Variants in SPC25 observed in about 807,000 individuals in gnomAD.
SPC25 encodes the protein kinetochore protein Spc25.
A neutral mutation model predicts 29.6 loss-of-function variants in SPC25; 22 were observed. That is an observed-to-expected ratio of 0.74 (90% CI 0.53 to 1.06). The LOEUF is 1.06. Among genes scored for constraint, SPC25 ranks in the 50% least tolerant of loss-of-function variants. The pLI is 0.00. For synonymous variants in SPC25, 91 were observed against 90.4 expected (o/e 1.01, Z -0.04); for missense variants, 230 against 255.8 (o/e 0.90, Z 0.69).
At chr2:168,864,774 A>G (rs1379453568) in intron 4 of SPC25, 4 of 1,589,882 alleles carry the variant, frequency 2.5e-6, no homozygotes, top group Non-Finnish European at 2.6e-6. Context: ...ACTCTTATCA[A>G]TCGGGCTGAG....
chr2:168,876,041 T>C, intron 5 of SPC25, 31 bp downstream of exon 5: 1 of 1,243,640 alleles, frequency 8.0e-7, no homozygotes, highest in Non-Finnish European at 1.1e-6. Context: ...TTTTGTAATC[T>C]CCTATATTTT....
chr2:168,866,277 A>G (rs1689848161), downstream of SPC25, among the ~76,000 whole-genome samples: 1 of 152,310 alleles, frequency 6.6e-6, no homozygotes, highest in Non-Finnish European at 1.5e-5. Context: ...AAACGGAGAT[A>G]GATATAGACC....
chr2:168,887,841 T>C (rs561128306), intron 3 of SPC25, among the ~76,000 whole-genome samples: 61 of 152,350 alleles, frequency 4.0e-4, no homozygotes, highest in Admixed American at 1.0e-3. Context: ...CCCCAGGCTG[T>C]GATTTCCAAC....
chr2:168,871,574 GAAATC>G lies in SPC25; in HGVS notation c.551-24_551-20del. ...TCTGACACTAGAAAAAAAAAAAAAA[GAAATC>G]AAAGACAATTAGAATGAGTTTTTTT... On this transcript the variant is annotated intron_variant, in intron 6 of 6. Transcript: ENST00000282074. The G allele has an allele frequency of 7.3e-7, 1 of 1,368,386 alleles. No individual in the cohort carries two copies. The highest frequency in any genetic ancestry group is 9.8e-7 in the Non-Finnish European group (1 of 1,020,558). 84.8% of individuals were successfully genotyped at this position (1,368,386 alleles called of 1,614,324 possible). A position where few individuals can be genotyped will look rare whatever the true frequency, so the allele number is the denominator to read the frequency against.
intron 6 of SPC25, among the ~76,000 whole-genome samples, chr2:168,872,919 T>C (rs536634228): frequency 1.3e-5 from 2 of 152,320 alleles, no homozygotes; most frequent in South Asian, 4.1e-4. Context: ...TTTAAGATGA[T>C]AGCATAGGTG....
intron 5 of SPC25, among the ~76,000 whole-genome samples, chr2:168,874,490 C>A (rs774560175): frequency 6.6e-4 from 101 of 152,198 alleles, no homozygotes; most frequent in Middle Eastern, 3.4e-3. Context: ...TGCCCACCAA[C>A]AGATGAATGG....
chr2:168,864,893 G>A (rs778381652), intron 4 of SPC25: 20 of 1,613,962 alleles, frequency 1.2e-5, no homozygotes, highest in Non-Finnish European at 1.7e-5. Context: ...ATCTTTGAAT[G>A]GGAAAAAAGG....
At chr2:168,867,103 G>C (rs1166982226), downstream of SPC25, among the ~76,000 whole-genome samples, 1 of 152,098 alleles carries the variant, frequency 6.6e-6, no homozygotes, top group Non-Finnish European at 1.5e-5. Context: ...AATACCATTT[G>C]ACCCAGCCAT....
chr2:168,886,254 C>G (rs1051502788), intron 3 of SPC25, among the ~76,000 whole-genome samples: 2 of 152,016 alleles, frequency 1.3e-5, no homozygotes, highest in Non-Finnish European at 1.5e-5. Flanking sequence ...CAAGGTCTCA[C>G]TATATTGCCC....
At chr2:168,879,211 A>T (rs1559155371) in intron 3 of SPC25, among the ~76,000 whole-genome samples, 1 of 152,324 alleles carries the variant, frequency 6.6e-6, no homozygotes, top group African/African-American at 2.4e-5. Flanking sequence ...TGCATTAATC[A>T]ACTCTTTCAT....
chr2:168,868,835 A>G (rs1259732385), downstream of SPC25, among the ~76,000 whole-genome samples: 1 of 152,232 alleles, frequency 6.6e-6, no homozygotes, highest in Non-Finnish European at 1.5e-5. Context: ...AAAAAGAGGG[A>G]ATCCTCCCTA....
chr2:168,877,096 T>C (rs1690099463), intron 4 of SPC25, 142 bp downstream of exon 4: 2 of 782,464 alleles, frequency 2.6e-6, no homozygotes, highest in South Asian at 4.3e-5. Context: ...AATGACATCT[T>C]GCAGAGATGA....
intron 4 of SPC25, among the ~76,000 whole-genome samples, chr2:168,863,039 C>T (rs1169868650): frequency 6.6e-6 from 1 of 152,226 alleles, no homozygotes; most frequent in East Asian, 1.9e-4. Flanking sequence ...GACAGACATA[C>T]TTCCCAGATG....
chr2:168,889,005 A>G (rs1690329267), intron 3 of SPC25, among the ~76,000 whole-genome samples: 2 of 134,490 alleles, frequency 1.5e-5, no homozygotes, highest in African/African-American at 5.9e-5. Flanking sequence ...ATATATACAC[A>G]TATATGTATA....
intron 3 of SPC25, among the ~76,000 whole-genome samples, chr2:168,886,402 AT>A (rs1434630698): frequency 2.0e-5 from 3 of 152,012 alleles, no homozygotes; most frequent in African/African-American, 4.8e-5. Context: ...CCCCCACAAT[AT>A]TGTGAGTAGA....
At chr2:168,868,363 A>G (rs1689911969), downstream of SPC25, among the ~76,000 whole-genome samples, 2 of 152,248 alleles carry the variant, frequency 1.3e-5, no homozygotes, top group Non-Finnish European at 2.9e-5. Flanking sequence ...TCAGAGCAGA[A>G]CTGAAGGAAA....
chr2:168,866,793 A>C (rs1096203), downstream of SPC25, among the ~76,000 whole-genome samples: 45,929 of 147,540 alleles, frequency 0.31, 7,998 homozygotes, highest in East Asian at 0.58. Flanking sequence ...AAAAACAACC[A>C]CATCAAAAAG....
chr2:168,875,993 T>A, intron 5 of SPC25, 79 bp downstream of exon 5: 3 of 755,998 alleles, frequency 4.0e-6, no homozygotes. Flanking sequence ...TAGTTGAAAA[T>A]ATTTTTAAAA....
At chr2:168,865,456 T>C (rs1689810297) in intron 4 of SPC25, 1 of 154,258 alleles carries the variant, frequency 6.5e-6, no homozygotes, top group African/African-American at 2.4e-5. Flanking sequence ...AAGACACCAA[T>C]GAGATCAACC....
Sources: allele counts gnomAD v4.1 joint callset (sites outside exome capture counted in the v4.1 genomes callset), GRCh38; gene constraint gnomAD v4.1.1; transcripts MANE v1.5; gene names NCBI Gene and HGNC (gene_info 2026-07-23, HGNC 2026-07-21).